Variants in EXOSC9 observed in about 807,000 individuals in gnomAD.
EXOSC9 encodes exosome component 9.
EXOSC9 carries 38 observed loss-of-function variants against 56.5 expected under a neutral mutation model. The ratio of observed to expected loss-of-function variants is 0.67; its 90% CI spans 0.52 to 0.88. The LOEUF is 0.88. Ranked by LOEUF, EXOSC9 falls within the 40% of genes least tolerant of loss-of-function variation. EXOSC9 has a pLI of 0.00. For synonymous variants in EXOSC9, 170 were observed against 170.8 expected (o/e 0.99, Z 0.04); for missense variants, 559 against 530.5 (o/e 1.05, Z -0.53).
At chr4:121,811,909 G>GGATACAAT (rs1727223913) in intron 8 of EXOSC9, among the ~76,000 whole-genome samples, 2 of 152,094 alleles carry the variant, frequency 1.3e-5, no homozygotes, top group South Asian at 4.1e-4. Context: ...ATCTTTGGAC[G>GGATACAAT]GATACAATAA....
chr4:121,810,115 A>G lies in EXOSC9; in HGVS notation c.738+16A>G, dbSNP rs767052151. On this transcript the variant is annotated intron_variant, in intron 7 of 11. Coordinates refer to ENST00000243498, the MANE Select transcript of EXOSC9 (RefSeq NM_005033.3). ...AAAAGATCAAGTTAGTGCTTTGATTAATGTCCCATTAATAATAGGTTGCTT... is the reference window on the plus strand; with the variant it reads ...AAAAGATCAAGTTAGTGCTTTGATTGATGTCCCATTAATAATAGGTTGCTT... 29 of 1,608,278 alleles carry G rather than the reference A, an allele frequency of 1.8e-5. No homozygotes were observed. Among genetic ancestry groups the G allele is most frequent in the Non-Finnish European group, 2.5e-5 (29 of 1,175,852 alleles).
chr4:121,809,372 G>A (rs1425625977), intron 6 of EXOSC9, among the ~76,000 whole-genome samples: 11 of 151,866 alleles, frequency 7.2e-5, no homozygotes, highest in African/African-American at 1.5e-4. Flanking sequence ...ATATTTTCAC[G>A]TTAATGAAAT....
Position 121,801,395 on chromosome 4 carries a change from T to G in EXOSC9, c.-30T>G. 6.2e-7 allele frequency: 1 copy of G among 1,608,778 alleles called. No individual in the cohort carries two copies. The highest frequency in any genetic ancestry group is 1.3e-5 in the African/African-American group (1 of 74,964). ...CGGGTTCCGTTTTTCCCGCGGATTC[T>G]GGTGCCTGTGGGGCCGGTGACCCAA... On this transcript the variant is annotated 5_prime_UTR_variant, in exon 1 of 12. Coordinates refer to ENST00000243498, the MANE Select transcript of EXOSC9 (RefSeq NM_005033.3).
chr4:121,811,216 G>A (rs1727202913), intron 7 of EXOSC9, among the ~76,000 whole-genome samples: 1 of 152,146 alleles, frequency 6.6e-6, no homozygotes, highest in African/African-American at 2.4e-5. Context: ...TTTATTAAGT[G>A]TGCAATAAAT....
At chr4:121,806,954 A>G (rs1244723068) in intron 5 of EXOSC9, among the ~76,000 whole-genome samples, 1 of 152,204 alleles carries the variant, frequency 6.6e-6, no homozygotes, top group Non-Finnish European at 1.5e-5. Context: ...CCGTAAATGT[A>G]TCCATAACTA....
rs970205798 is a variant in EXOSC9 at position 121,802,729 on chromosome 4, G to A, written c.217G>A (p.Glu73Lys). The A allele has an allele frequency of 5.0e-6, 8 of 1,614,004 alleles. No homozygotes were observed. The highest frequency in any genetic ancestry group is 4.0e-5 in the African/African-American group (3 of 74,922). Residue 73 changes from glutamate to lysine, a missense_variant, in exon 3 of 12, where the codon GAA (glutamate) becomes AAA (lysine). Glu to Lys is a moderately conservative substitution (Grantham distance 56). Transcript: ENST00000243498. ...GTCTCCAAAACTCAATCGGGCAACA[G>A]AAGGTATTCTTTTTTTTAACCTTGA... ...LVSPKLNRAT[E>K]GILFFNLELS... is the part of the protein sequence containing the mutation.
chr4:121,802,595 GA>G, intron 2 of EXOSC9, 78 bp from the exon 3 acceptor site: 1 of 1,420,254 alleles, frequency 7.0e-7, no homozygotes, highest in Non-Finnish European at 9.7e-7. Flanking sequence ...CATTAAGATT[GA>G]AACTTGTTAT....
chr4:121,816,263 A>G (rs749898069), intron 10 of EXOSC9, 106 bp from the exon 11 acceptor site: 74 of 710,864 alleles, frequency 1.0e-4, no homozygotes, highest in Non-Finnish European at 1.5e-4. Flanking sequence ...CCAGCCCCAG[A>G]AATAAGAGTT....
chr4:121,808,070 A>T (rs533600876), intron 6 of EXOSC9, among the ~76,000 whole-genome samples: 4 of 152,282 alleles, frequency 2.6e-5, no homozygotes, highest in African/African-American at 9.6e-5. Context: ...GGAGGAAAAA[A>T]ATCTAATGTT....
At chr4:121,813,704 T>A in intron 9 of EXOSC9, 162 bp from the exon 10 acceptor site, 1 of 539,262 alleles carries the variant, frequency 1.9e-6, no homozygotes, top group Non-Finnish European at 3.2e-6. Context: ...TTTTTCTTCT[T>A]CATTGTTCAG....
At position 121,811,758 on chromosome 4, in the gene EXOSC9, T is replaced by C. The variant is rs1218048967; in HGVS notation, c.827+87T>C. ...TTTTTAGTATAAGCAAGCTTTATTA[T>C]GCATGAACTTGATTTCACATACAAA... On this transcript the variant is annotated intron_variant, in intron 8 of 11. Transcript: ENST00000243498. 3 of 541,620 alleles carry C rather than the reference T, an allele frequency of 5.5e-6. No individual in the cohort carries two copies. In the African/African-American group the frequency reaches 5.9e-5, roughly 11 times the overall value. The allele number at this position is 541,620 out of a possible 1,614,324, so 33.6% of individuals were successfully genotyped here.
intron 6 of EXOSC9, chr4:121,807,922 A>T: frequency 2.8e-6 from 1 of 355,704 alleles, no homozygotes; most frequent in Non-Finnish European, 5.1e-6. Context: ...TACAGTGGTT[A>T]AGAGAATTAT....
At chr4:121,805,110 G>A (rs1726981230) in intron 5 of EXOSC9, among the ~76,000 whole-genome samples, 1 of 152,148 alleles carries the variant, frequency 6.6e-6, no homozygotes, top group African/African-American at 2.4e-5. Context: ...CCTGCAAGAG[G>A]CATGCAATAG....
chr4:121,811,611 TGAAAGTAGCA>T lies in EXOSC9; in HGVS notation c.772_781del (p.Val258LeufsTer4), dbSNP rs1305450307. 1.3e-6 allele frequency: 2 copies of T among 1,591,702 alleles called. No homozygotes were observed. The highest frequency in any genetic ancestry group is 1.7e-6 in the Non-Finnish European group (2 of 1,169,354). ...CTGAGATGCAGTAAAATCGCTGGTG[TGAAAGTAGCA>T]GAAATTACAGAGCTAATATTGAAAG... On this transcript the variant is annotated frameshift_variant, in exon 8 of 12. Coordinates refer to ENST00000243498, the MANE Select transcript of EXOSC9 (RefSeq NM_005033.3). LOFTEE classifies it high-confidence loss of function.
chr4:121,802,018 CA>C, intron 2 of EXOSC9, 97 bp downstream of exon 2: 1 of 873,078 alleles, frequency 1.1e-6, no homozygotes, highest in African/African-American at 1.7e-5. Flanking sequence ...GAAGTCTGGA[CA>C]GTATTCTTTG....
At chr4:121,815,596 A>G (rs1383168098) in intron 10 of EXOSC9, 5 of 985,436 alleles carry the variant, frequency 5.1e-6, no homozygotes, top group Middle Eastern at 1.0e-3. Flanking sequence ...GGCCAGTAAT[A>G]TTTTTCATGG....
At position 121,801,470 on chromosome 4, in the gene EXOSC9, C is replaced by T. The variant is rs1207308069; in HGVS notation, c.46C>T (p.Arg16Cys). 3 of 1,614,220 alleles carry T rather than the reference C, an allele frequency of 1.9e-6. No individual in the cohort carries two copies. In the South Asian group the frequency reaches 3.3e-5, roughly 18 times the overall value. Reference protein sequence around the residue: ...LSNCERRFLLRAIEEKKRLDG... With the variant: ...LSNCERRFLLCAIEEKKRLDG... Reference sequence around the variant, plus strand: ...AAACTGCGAACGCCGCTTCCTACTCCGTGCCATCGAAGAGAAGAAGGTATG... The same window carrying T: ...AAACTGCGAACGCCGCTTCCTACTCTGTGCCATCGAAGAGAAGAAGGTATG... Residue 16 changes from arginine to cysteine, a missense_variant, in exon 1 of 12, where the codon CGT becomes TGT. Arg to Cys is a radical substitution (Grantham distance 180, BLOSUM62 -3). Coordinates refer to ENST00000243498, the MANE Select transcript of EXOSC9 (RefSeq NM_005033.3).
chr4:121,804,131 G>T (rs1176886394), intron 4 of EXOSC9, among the ~76,000 whole-genome samples: 1 of 151,198 alleles, frequency 6.6e-6, no homozygotes, highest in Admixed American at 6.6e-5. Flanking sequence ...CTCCCGAATA[G>T]CTAGGACTAT....
rs189740254 is a variant in EXOSC9 at position 121,808,688 on chromosome 4, T to C, written c.605+1066T>C. ...GTTTCTTTTTCTTTTCTTTTCTTTT[T>C]TTTTTTTAAGACAAGGTCTCCCTCT... is the stretch of plus-strand genomic sequence containing the variant. On this transcript the variant is annotated intron_variant, in intron 6 of 11. Coordinates refer to ENST00000243498, the MANE Select transcript of EXOSC9 (RefSeq NM_005033.3). 6.5e-3 allele frequency among the ~76,000 whole-genome samples: 976 copies of C among 151,016 alleles called. 6 individuals carry two copies. The highest frequency in any genetic ancestry group is 0.023 in the African/African-American group (933 of 41,282).
Sources: gnomAD v4.1 joint callset for allele counts (sites outside exome capture counted in the v4.1 genomes callset) on GRCh38, gnomAD v4.1.1 for gene constraint, MANE v1.5 for transcripts, NCBI Gene and HGNC (gene_info 2026-07-23, HGNC 2026-07-21) for gene names.